The following PDXDC1 variants were observed in gnomAD, a reference collection of about 807,000 sequenced individuals.
The protein encoded by PDXDC1 is pyridoxal-dependent decarboxylase domain-containing protein 1.
In PDXDC1, 42 loss-of-function variants were observed where a neutral mutation model predicts 100.1. The observed-to-expected ratio is 0.42, with a 90% CI of 0.33 to 0.54. The LOEUF (loss-of-function observed/expected upper bound fraction) is 0.54, where lower values mean the gene tolerates loss of function less well. Ranked by LOEUF, PDXDC1 falls within the 20% of genes least tolerant of loss-of-function variation. PDXDC1 has a pLI of 0.10. For synonymous variants in PDXDC1, 260 were observed against 371.7 expected (o/e 0.70, Z 3.46); for missense variants, 636 against 979.2 (o/e 0.65, Z 4.68).
intron 1 of PDXDC1, among the ~76,000 whole-genome samples, chr16:14,993,877 A>G (rs934111718): frequency 1.9e-4 from 28 of 148,998 alleles, no homozygotes; most frequent in African/African-American, 6.6e-4. Flanking sequence ...TTTGATTTGC[A>G]TTTCTCTGAT....
intron 16 of PDXDC1, chr16:15,135,316 C>G (rs2048297207): frequency 6.5e-7 from 1 of 1,532,910 alleles, no homozygotes; most frequent in African/African-American, 1.4e-5. Context: ...GGCCGGCCTT[C>G]CACACGGTGA....
chr16:15,109,855 TAAAA>T (rs1177596848), intron 16 of PDXDC1, among the ~76,000 whole-genome samples: 13 of 107,608 alleles, frequency 1.2e-4, no homozygotes, highest in African/African-American at 4.4e-4. Context: ...TCTCAAAATT[TAAAA>T]AAAAAAAAAA....
rs2048317254 is a variant in PDXDC1, at chr16:15,135,726, C to T, written c.1400-3153C>T. On this transcript the variant is annotated intron_variant, in intron 16 of 16. Coordinates refer to the PDXDC1 transcript ENST00000535621. ...TCCTCCAGGTTGGGGTCGTAGGACT[C>T]GCTCCCATCCAGCACCAGGTCCTGT... The T allele has an allele frequency of 3.1e-6, 5 of 1,595,602 alleles. No individual in the cohort carries two copies. The South Asian group carries it at 3.3e-5, about 11-fold the overall frequency.
intron 16 of PDXDC1, among the ~76,000 whole-genome samples, chr16:15,124,264 C>G (rs2047581116): frequency 6.6e-6 from 1 of 152,212 alleles, no homozygotes; most frequent in African/African-American, 2.4e-5. Context: ...TGGCCCTGTC[C>G]TCAGCTAAAC....
chr16:15,014,530 T>C (rs371514114), intron 8 of PDXDC1, among the ~76,000 whole-genome samples: 1 of 152,278 alleles, frequency 6.6e-6, no homozygotes, highest in East Asian at 1.9e-4. Context: ...AGCCCATGCA[T>C]TGACATTTGA....
chr16:15,140,113 A>AG (rs2048443200), downstream of PDXDC1, among the ~76,000 whole-genome samples: 6 of 150,054 alleles, frequency 4.0e-5, no homozygotes, highest in African/African-American at 9.7e-5. Context: ...AAAAAAAAAA[A>AG]AAAAAGAAAA....
the PDXDC1 span, among the ~76,000 whole-genome samples, chr16:15,148,639 C>T: frequency 6.6e-6 from 1 of 151,648 alleles, no homozygotes; most frequent in African/African-American, 2.4e-5. Context: ...CCACCCTGGC[C>T]TCCCAAACTG....
At chr16:15,149,196 C>T in the PDXDC1 span, among the ~76,000 whole-genome samples, 1 of 152,228 alleles carries the variant, frequency 6.6e-6, no homozygotes, top group African/African-American at 2.4e-5. Context: ...GGGACTCTCT[C>T]TGGGCAGCTC....
At chr16:15,132,837 G>A (rs1393276635) in intron 16 of PDXDC1, 2 of 1,572,152 alleles carry the variant, frequency 1.3e-6, no homozygotes, top group Non-Finnish European at 1.7e-6. Flanking sequence ...TGCCGCTCGT[G>A]CTTGGGCTCT....
intron 16 of PDXDC1, chr16:15,135,951 C>T (rs933768508): frequency 3.8e-6 from 6 of 1,576,704 alleles, no homozygotes; most frequent in East Asian, 2.3e-5. Flanking sequence ...CCGGGCAGGG[C>T]CACACGCGCC....
At chr16:15,027,289 A>G (rs2042682377) in intron 14 of PDXDC1, among the ~76,000 whole-genome samples, 1 of 152,292 alleles carries the variant, frequency 6.6e-6, no homozygotes, top group Admixed American at 6.5e-5. Flanking sequence ...GCTGCTGCTC[A>G]GACCTCTAGG....
chr16:15,023,739 G>A (rs556787495), intron 13 of PDXDC1, among the ~76,000 whole-genome samples: 34 of 152,396 alleles, frequency 2.2e-4, no homozygotes, highest in Non-Finnish European at 3.8e-4. Flanking sequence ...CAGTTGACCC[G>A]AGTTCTAGCT....
chr16:15,011,983 T>C (rs1282065092), intron 8 of PDXDC1, among the ~76,000 whole-genome samples: 2 of 152,280 alleles, frequency 1.3e-5, no homozygotes, highest in African/African-American at 4.8e-5. Flanking sequence ...CCCAGTCCTG[T>C]CTTCTTTTAA....
At chr16:15,129,729 G>A (rs928511054) in intron 16 of PDXDC1, among the ~76,000 whole-genome samples, 2 of 152,016 alleles carry the variant, frequency 1.3e-5, no homozygotes, top group Non-Finnish European at 2.9e-5. Flanking sequence ...GAGTGCTCAC[G>A]AGGTCATTCC....
chr16:15,129,043 G>T (rs1411340859), intron 16 of PDXDC1, among the ~76,000 whole-genome samples: 2 of 151,576 alleles, frequency 1.3e-5, no homozygotes, highest in Non-Finnish European at 2.9e-5. Context: ...CTGACCCCGT[G>T]ATTTGCCTGC....
intron 1 of PDXDC1, among the ~76,000 whole-genome samples, chr16:14,980,439 A>G (rs1967701215): frequency 6.6e-6 from 1 of 152,218 alleles, no homozygotes; most frequent in Admixed American, 6.5e-5. Flanking sequence ...CAGCTTCCCG[A>G]GTAGATGGGA....
chr16:15,044,210 C>T, intron 16 of PDXDC1: 1 of 664,214 alleles, frequency 1.5e-6, no homozygotes, highest in Non-Finnish European at 2.7e-6. Flanking sequence ...CAGTCTGTTT[C>T]TCTGTGCTGC....
chr16:15,130,111 A>T, intron 16 of PDXDC1: 4 of 1,362,674 alleles, frequency 2.9e-6, no homozygotes, highest in Non-Finnish European at 4.1e-6. Context: ...CCAGGAGGTC[A>T]CGTGCAAGCT....
At position 15,046,697 on chromosome 16, in the gene PDXDC1, CAAAAAAAAAAAAA is replaced by C. The variant is rs9331444; in HGVS notation, c.1399+16656_1399+16668del. On this transcript the variant is annotated intron_variant, in intron 16 of 16. Transcript: ENST00000535621. The stretch of plus-strand genomic sequence containing the variant: ...CAACTTGGCAAAACCCTGTCTCTAC[CAAAAAAAAAAAAA>C]AAAAAAAAAAAAAAGCTAGCTGGGT... 1.4e-4 allele frequency among the ~76,000 whole-genome samples: 6 copies of C among 43,646 alleles called. No individual in the cohort carries two copies. In the South Asian group the frequency reaches 5.3e-3, roughly 38 times the overall value. 28.6% of individuals were successfully genotyped at this position (43,646 alleles called of 152,430 possible).
Sources: allele counts gnomAD v4.1 joint callset (sites outside exome capture counted in the v4.1 genomes callset), GRCh38; gene constraint gnomAD v4.1.1; transcripts MANE v1.5; gene names NCBI Gene and HGNC (gene_info 2026-07-23, HGNC 2026-07-21).